Variants in OLFM2 observed in about 807,000 individuals in gnomAD.
OLFM2 encodes the protein noelin-2.
OLFM2 carries 20 observed loss-of-function variants against 43.9 expected under a neutral mutation model. That is an observed-to-expected ratio of 0.46 (90% CI 0.32 to 0.66). OLFM2 has a LOEUF of 0.66. Ranked by LOEUF, OLFM2 falls within the 30% of genes least tolerant of loss-of-function variation. The probability of loss-of-function intolerance (pLI) is 0.04; values close to 1 mark genes in which losing one functional copy is unlikely to be tolerated. For synonymous variants in OLFM2, 268 were observed against 278.6 expected (o/e 0.96, Z 0.38); for missense variants, 416 against 643.6 (o/e 0.65, Z 3.83).
chr19:9,931,393 G>A (rs2086481122), intron 1 of OLFM2, among the ~76,000 whole-genome samples: 1 of 152,072 alleles, frequency 6.6e-6, no homozygotes, highest in Admixed American at 6.6e-5. Context: ...CTACAAGCCT[G>A]GCCAATTTTT....
At chr19:9,905,052 T>G (rs1449938648) in intron 1 of OLFM2, among the ~76,000 whole-genome samples, 1 of 151,794 alleles carries the variant, frequency 6.6e-6, no homozygotes, top group African/African-American at 2.4e-5. Context: ...CCAGGCACAG[T>G]AGCTCATGGC....
At chr19:9,922,943 G>A (rs1310087748) in intron 1 of OLFM2, among the ~76,000 whole-genome samples, 2 of 151,192 alleles carry the variant, frequency 1.3e-5, no homozygotes, top group Admixed American at 1.3e-4. Flanking sequence ...AAAAAGAAAA[G>A]AAAAGAAAAA....
intron 1 of OLFM2, among the ~76,000 whole-genome samples, chr19:9,865,478 GTTTTTTCTTTT>G (rs2046393893): frequency 1.0e-5 from 1 of 99,162 alleles, no homozygotes; most frequent in African/African-American, 4.1e-5. Context: ...TTACCTCTCT[GTTTTTTCTTTT>G]TTTTTTTTTT....
intron 1 of OLFM2, among the ~76,000 whole-genome samples, chr19:9,892,965 A>G (rs1235739354): frequency 6.6e-6 from 1 of 152,040 alleles, no homozygotes; most frequent in Non-Finnish European, 1.5e-5. Context: ...CTATCTCAGT[A>G]CTTGGGTTTG....
chr19:9,891,495 C>T (rs1040645704), intron 1 of OLFM2, among the ~76,000 whole-genome samples: 41 of 147,244 alleles, frequency 2.8e-4, no homozygotes, highest in African/African-American at 8.1e-4. Flanking sequence ...TGTGCTGGCA[C>T]GTGCCTGTAG....
At chr19:9,888,355 C>T (rs2046606688) in intron 1 of OLFM2, among the ~76,000 whole-genome samples, 1 of 151,808 alleles carries the variant, frequency 6.6e-6, no homozygotes, top group African/African-American at 2.4e-5. Context: ...AAACCCCCGT[C>T]TCTACTAAAA....
chr19:9,871,573 C>CA (rs34941045), intron 1 of OLFM2, among the ~76,000 whole-genome samples: 211 of 121,470 alleles, frequency 1.7e-3, no homozygotes, highest in East Asian at 0.016. Flanking sequence ...ACTCTGCTCT[C>CA]AAAAAAAAAA....
chr19:9,856,782 C>T lies in OLFM2; in HGVS notation c.687+25G>A. The stretch of plus-strand genomic sequence containing the variant: ...GGCTCTGTCCCTCCCAGGCCCTGAC[C>T]CCAGGGGTGGGCGCAGTCACTCACC... On this transcript the variant is annotated intron_variant, in intron 5 of 5. Coordinates refer to ENST00000264833, the MANE Select transcript of OLFM2 (RefSeq NM_058164.4). The surrounding 1 kb of genome is among the most constrained non-coding windows in gnomAD (Gnocchi z 4.0). The T allele has an allele frequency of 5.0e-6, 8 of 1,594,196 alleles. No individual in the cohort carries two copies. Among genetic ancestry groups the T allele is most frequent in the Non-Finnish European group, 6.9e-6 (8 of 1,165,238 alleles).
At chr19:9,893,973 CAGG>C (rs1051162800) in intron 1 of OLFM2, among the ~76,000 whole-genome samples, 1 of 152,038 alleles carries the variant, frequency 6.6e-6, no homozygotes, top group Non-Finnish European at 1.5e-5. Context: ...AACCTCAGGT[CAGG>C]AGTTCAGGAG....
At chr19:9,923,183 C>A (rs2086431075) in intron 1 of OLFM2, among the ~76,000 whole-genome samples, 1 of 152,072 alleles carries the variant, frequency 6.6e-6, no homozygotes, top group South Asian at 2.1e-4. Context: ...TGTTTATACT[C>A]TAAGATCAAT....
chr19:9,871,607 A>G (rs2046442989), intron 1 of OLFM2, among the ~76,000 whole-genome samples: 1 of 149,596 alleles, frequency 6.7e-6, no homozygotes, highest in Non-Finnish European at 1.5e-5. Flanking sequence ...TTGCCAAAGC[A>G]TCACTGCCTG....
At position 9,910,989 on chromosome 19, in the gene OLFM2, C is replaced by T. The variant is rs575788188; in HGVS notation, c.63+25315G>A. Reference sequence around the variant, plus strand: ...ATGAATGGAGATATGGATAGCAAGACAGATGGAAGGATGGGCGTAAAAACA... The same window carrying T: ...ATGAATGGAGATATGGATAGCAAGATAGATGGAAGGATGGGCGTAAAAACA... On this transcript the variant is annotated intron_variant, in intron 1 of 5. Coordinates refer to ENST00000264833, the MANE Select transcript of OLFM2 (RefSeq NM_058164.4). 1.4e-4 allele frequency among the ~76,000 whole-genome samples: 21 copies of T among 151,612 alleles called. 1 individual carries two copies. The South Asian group carries it at 3.1e-3, about 23-fold the overall frequency.
intron 1 of OLFM2, among the ~76,000 whole-genome samples, chr19:9,882,084 C>A (rs59260136): frequency 0.68 from 102,785 of 151,756 alleles, 36,028 homozygotes; most frequent in Admixed American, 0.77. Flanking sequence ...ACAAAAAATA[C>A]AAAAATTAGC....
chr19:9,854,319 T>C lies in OLFM2; in HGVS notation c.1232A>G (p.His411Arg), dbSNP rs1272022555. 1.2e-6 allele frequency: 2 copies of C among 1,613,848 alleles called. No homozygotes were observed. Among genetic ancestry groups the C allele is most frequent in the African/African-American group, 1.3e-5 (1 of 74,844 alleles). Reference protein sequence around the residue: ...SSYEYTDVPFHNQYSHISMLD... With the variant: ...SSYEYTDVPFRNQYSHISMLD... ...CATCGAGATGTGGGAATACTGGTTG[T>C]GGAAGGGCACGTCCGTGTACTCGTA... The change falls in exon 6 of 6, where the codon CAC (histidine) becomes CGC (arginine). Residue 411 changes from histidine (H) to arginine (R), a missense_variant. By Grantham distance (29) the His-to-Arg change is conservative. Transcript: ENST00000264833. This position sits in a 1 kb window ranked among gnomAD's most constrained non-coding sequence, Gnocchi z 9.5.
chr19:9,908,598 C>T (rs989874940), intron 1 of OLFM2, among the ~76,000 whole-genome samples: 2 of 150,780 alleles, frequency 1.3e-5, no homozygotes, highest in Non-Finnish European at 2.9e-5. Flanking sequence ...CCTGCCTCAG[C>T]TTCCCGAGTA....
At position 9,857,159 on chromosome 19, in the gene OLFM2, G is replaced by C; in HGVS notation, c.580+104C>G. 1.7e-6 allele frequency: 2 copies of C among 1,170,924 alleles called. No homozygotes were observed. The highest frequency in any genetic ancestry group is 2.5e-6 in the Non-Finnish European group (2 of 791,754). 72.5% of individuals were successfully genotyped at this position (1,170,924 alleles called of 1,614,324 possible). A position where few individuals can be genotyped will look rare whatever the true frequency, so the allele number is the denominator to read the frequency against. Reference sequence around the variant, plus strand: ...GAAGGTCAAGGGTTGAGGTTTAAAAGTTAGAGGTCAAAACTGTGTCCAGCT... The same window carrying C: ...GAAGGTCAAGGGTTGAGGTTTAAAACTTAGAGGTCAAAACTGTGTCCAGCT... On this transcript the variant is annotated intron_variant, in intron 4 of 5. Coordinates refer to ENST00000264833, the MANE Select transcript of OLFM2 (RefSeq NM_058164.4). The surrounding 1 kb of genome is among the most constrained non-coding windows in gnomAD (Gnocchi z 5.7).
chr19:9,896,256 A>T (rs1431901454), intron 1 of OLFM2, among the ~76,000 whole-genome samples: 1 of 151,004 alleles, frequency 6.6e-6, no homozygotes, highest in Non-Finnish European at 1.5e-5. Context: ...GCCCGCCACC[A>T]CGCCCGACTA....
rs1487292913 is a variant in OLFM2, at chr19:9,913,648, C to T, written c.63+22656G>A. On this transcript the variant is annotated intron_variant, in intron 1 of 5. Coordinates refer to ENST00000264833, the MANE Select transcript of OLFM2 (RefSeq NM_058164.4). The stretch of plus-strand genomic sequence containing the variant: ...CTCCGCCTCATGCCCCGCGGCCGCC[C>T]GCCGCGCGTCCCTTCTCTGGCCCGC... The T allele has an allele frequency of 4.1e-6, 5 of 1,206,178 alleles. No homozygotes were observed. The South Asian group carries it at 6.6e-5, about 16-fold the overall frequency. The allele number at this position is 1,206,178 out of a possible 1,614,324, so 74.7% of individuals were successfully genotyped here.
Position 9,857,147 on chromosome 19 carries a change from T to G in OLFM2, c.580+116A>C, listed in dbSNP as rs1396954574. ...AGCCTTAGGTAGGAAGGTCAAGGGT[T>G]GAGGTTTAAAAGTTAGAGGTCAAAA... On this transcript the variant is annotated intron_variant, in intron 4 of 5. Transcript: ENST00000264833. This position sits in a 1 kb window ranked among gnomAD's most constrained non-coding sequence, Gnocchi z 5.7. 2.1e-5 allele frequency: 22 copies of G among 1,069,066 alleles called. No individual in the cohort carries two copies. The highest frequency in any genetic ancestry group is 7.7e-5 in the African/African-American group (5 of 64,642). 66.2% of individuals were successfully genotyped at this position (1,069,066 alleles called of 1,614,324 possible).
Sources: allele counts gnomAD v4.1 joint callset (sites outside exome capture counted in the v4.1 genomes callset), GRCh38; gene constraint gnomAD v4.1.1; non-coding constraint Gnocchi (gnomAD v3.1); transcripts MANE v1.5; gene names NCBI Gene and HGNC (gene_info 2026-07-23, HGNC 2026-07-21).